The following SBNO2 variants were observed in gnomAD, a reference collection of about 807,000 sequenced individuals.
SBNO2 encodes the protein strawberry notch homolog 2, also known as protein strawberry notch homolog 2.
A neutral mutation model predicts 146.3 loss-of-function variants in SBNO2; 89 were observed. The observed-to-expected ratio is 0.61, with a 90% CI of 0.51 to 0.73. SBNO2 has a LOEUF of 0.73. SBNO2 is among the 30% of genes least tolerant of loss of function. The pLI, the probability that SBNO2 is intolerant of heterozygous loss-of-function variation, is 0.00. For missense variants in SBNO2, 2,092 were observed against 2,003.7 expected (o/e 1.04, Z -0.84); for synonymous variants, 1,147 against 892.6 (o/e 1.29, Z -5.08).
rs766712541 is a variant in SBNO2 at position 1,120,034 on chromosome 19, C to A, written c.1150-11G>T. ...CTCGTCGAACACGATCTGAGGCACA[C>A]GTGGGTTAAGGAGTATTCTGAAGGA... On this transcript the variant is annotated splice_polypyrimidine_tract_variant and intron_variant, in intron 11 of 31. Transcript: ENST00000361757. 6.5e-7 allele frequency: 1 copy of A among 1,548,434 alleles called. No individual in the cohort carries two copies. The highest frequency in any genetic ancestry group is 2.0e-5 in the Admixed American group (1 of 50,998).
chr19:1,116,135 C>G, intron 16 of SBNO2, 32 bp from the exon 17 acceptor site: 1 of 1,583,466 alleles, frequency 6.3e-7, no homozygotes, highest in Non-Finnish European at 8.6e-7. Flanking sequence ...TATTCTCACA[C>G]GAGGAGCTGA....
intron 4 of SBNO2, 47 bp downstream of exon 4, chr19:1,147,262 G>A: frequency 3.0e-6 from 4 of 1,318,860 alleles, no homozygotes; most frequent in Non-Finnish European, 4.3e-6. Flanking sequence ...GGGCGGCCCA[G>A]ACTCCACCCT....
chr19:1,111,111 T>C lies in SBNO2; in HGVS notation c.2810-18A>G, dbSNP rs1434773942. On this transcript the variant is annotated intron_variant, in intron 24 of 31. Coordinates refer to ENST00000361757, the MANE Select transcript of SBNO2 (RefSeq NM_014963.3). ...CTTCATGTCTGCGGGGAGAGGGGCC[T>C]CACATGCTGGTCTTCCCACCCCTGC... 2.3e-5 allele frequency: 35 copies of C among 1,542,006 alleles called. No homozygotes were observed. Among genetic ancestry groups the C allele is most frequent in the Middle Eastern group, 1.7e-4 (1 of 5,952 alleles).
In SBNO2 at chr19:1,123,639, C is replaced by T. The variant is rs201297694; in HGVS notation, c.523G>A (p.Glu175Lys). The T allele has an allele frequency of 3.6e-5, 58 of 1,611,074 alleles. No individual in the cohort carries two copies. The African/African-American group carries it at 6.8e-4, about 19-fold the overall frequency. Residue 175 changes from glutamate to lysine, a missense_variant and splice_region_variant, in exon 7 of 32, where the codon GAG becomes AAG. Glu to Lys is a moderately conservative substitution (Grantham distance 56). Transcript: ENST00000361757. ...TCTGGCTGGCTCTGCACACTCTGCT[C>T]CTGCGTGCGTGGCGGGAGCTCAGCG... is the stretch of plus-strand genomic sequence containing the variant. ...HSTPLLVSYQ[E>K]QSVQSQPEEE...
At chr19:1,162,956 G>T (rs533473706) in intron 1 of SBNO2, among the ~76,000 whole-genome samples, 1 of 152,122 alleles carries the variant, frequency 6.6e-6, no homozygotes, top group Non-Finnish European at 1.5e-5. Context: ...AGAGCCCCAG[G>T]GACAGCCTGT....
At chr19:1,154,791 C>T (rs1404509095) in intron 1 of SBNO2, among the ~76,000 whole-genome samples, 2 of 152,178 alleles carry the variant, frequency 1.3e-5, no homozygotes, top group African/African-American at 4.8e-5. Context: ...GAGAGTCCAA[C>T]CCGGGCCCGG....
chr19:1,164,452 A>T (rs1190471970), intron 1 of SBNO2, among the ~76,000 whole-genome samples: 1 of 92,176 alleles, frequency 1.1e-5, no homozygotes. Flanking sequence ...AGGAGGAGAA[A>T]CAGGTGCTAG....
chr19:1,141,817 C>T (rs1195351932), intron 4 of SBNO2, among the ~76,000 whole-genome samples: 4 of 152,000 alleles, frequency 2.6e-5, no homozygotes, highest in African/African-American at 7.2e-5. Context: ...CAGATAGGGT[C>T]TCACTATGTT....
chr19:1,132,155 C>A, intron 4 of SBNO2: 1 of 1,469,418 alleles, frequency 6.8e-7, no homozygotes, highest in Non-Finnish European at 9.0e-7. Flanking sequence ...CTCGGGGGGC[C>A]AGGGGTCCCC....
At position 1,157,787 on chromosome 19, in the gene SBNO2, G is replaced by C. The variant is rs1460666483; in HGVS notation, c.-126-3385C>G. Among the ~76,000 whole-genome samples the C allele has an allele frequency of 1.3e-5, 2 of 151,012 alleles. No homozygotes were observed. The highest frequency in any genetic ancestry group is 3.9e-4 in the East Asian group (2 of 5,098). Reference sequence around the variant, plus strand: ...AAGATCCGGGAGAATCCGAGGAACCGGGTAACTGTGTCCGCCTCCCAGCTC... The same window carrying C: ...AAGATCCGGGAGAATCCGAGGAACCCGGTAACTGTGTCCGCCTCCCAGCTC... On this transcript the variant is annotated intron_variant, in intron 1 of 31. Coordinates refer to ENST00000361757, the MANE Select transcript of SBNO2 (RefSeq NM_014963.3). This position sits in a 1 kb window ranked among gnomAD's most constrained non-coding sequence, Gnocchi z 6.8.
chr19:1,157,272 C>G lies in SBNO2; in HGVS notation c.-126-2870G>C, dbSNP rs1204610565. 1.3e-5 allele frequency among the ~76,000 whole-genome samples: 2 copies of G among 152,212 alleles called. No individual in the cohort carries two copies. Among genetic ancestry groups the G allele is most frequent in the Non-Finnish European group, 2.9e-5 (2 of 68,028 alleles). ...GCTGCCCCAATCCCCAGGATAAACC[C>G]TAGTGGGACACTGGGTGGGGTCTTG... On this transcript the variant is annotated intron_variant, in intron 1 of 31. Coordinates refer to ENST00000361757, the MANE Select transcript of SBNO2 (RefSeq NM_014963.3). The surrounding 1 kb of genome is among the most constrained non-coding windows in gnomAD (Gnocchi z 6.8).
At chr19:1,122,352 C>T in intron 10 of SBNO2, 70 bp from the exon 11 acceptor site, 1 of 1,514,580 alleles carries the variant, frequency 6.6e-7, no homozygotes, top group East Asian at 2.4e-5. Flanking sequence ...GTCTCCCTAT[C>T]TGTAAGGGTG....
Position 1,110,639 on chromosome 19 carries a change from G to T in SBNO2, c.3028+106C>A. 14 of 1,341,518 alleles carry T rather than the reference G, an allele frequency of 1.0e-5. No homozygotes were observed. The Middle Eastern group carries it at 6.8e-4, about 65-fold the overall frequency. The allele number at this position is 1,341,518 out of a possible 1,614,324, so 83.1% of individuals were successfully genotyped here. ...TTCCCACGAGCCCCTCGCCCACCCG[G>T]GATGCCCGGTGTTCCCACGAGCCCC... On this transcript the variant is annotated intron_variant, in intron 26 of 31. Transcript: ENST00000361757. This position sits in a 1 kb window ranked among gnomAD's most constrained non-coding sequence, Gnocchi z 4.9.
intron 4 of SBNO2, among the ~76,000 whole-genome samples, chr19:1,131,750 G>C (rs895366480): frequency 6.6e-6 from 1 of 152,202 alleles, no homozygotes; most frequent in East Asian, 1.9e-4. Context: ...GGAGGGGGAC[G>C]CAGCCCTCCC....
At chr19:1,160,060 C>G (rs1306759970) in intron 1 of SBNO2, among the ~76,000 whole-genome samples, 1 of 152,154 alleles carries the variant, frequency 6.6e-6, no homozygotes, top group Admixed American at 6.5e-5. Flanking sequence ...CATTCCCGCA[C>G]CACCCTCTCA....
chr19:1,152,508 G>A (rs2080252102), intron 2 of SBNO2, among the ~76,000 whole-genome samples: 1 of 152,154 alleles, frequency 6.6e-6, no homozygotes, highest in African/African-American at 2.4e-5. Flanking sequence ...TGGTGGCCCA[G>A]GAGGCTGACC....
intron 12 of SBNO2, 56 bp from the exon 13 acceptor site, chr19:1,119,677 CA>C: frequency 6.9e-7 from 1 of 1,439,936 alleles, no homozygotes; most frequent in East Asian, 2.4e-5. Flanking sequence ...GAGGCCGCGT[CA>C]GGGGACGACT....
chr19:1,139,620 C>T (rs548029738), intron 4 of SBNO2, among the ~76,000 whole-genome samples: 1 of 152,198 alleles, frequency 6.6e-6, no homozygotes, highest in East Asian at 1.9e-4. Flanking sequence ...CGTGGTGAAA[C>T]CCCGTCTCTA....
At position 1,122,633 on chromosome 19, in the gene SBNO2, C is replaced by G. The variant is rs563093619; in HGVS notation, c.914+25G>C. On this transcript the variant is annotated intron_variant, in intron 9 of 31. Coordinates refer to ENST00000361757, the MANE Select transcript of SBNO2 (RefSeq NM_014963.3). Reference sequence around the variant, plus strand: ...CTTCCGCCCCCCACCCCCGCTCCCGCCCCCTGCCCCAGGCAGGGCCTCACC... The same window carrying G: ...CTTCCGCCCCCCACCCCCGCTCCCGGCCCCTGCCCCAGGCAGGGCCTCACC... The G allele has an allele frequency of 3.3e-4, 502 of 1,523,184 alleles. 1 individual carries two copies. Among genetic ancestry groups the G allele is most frequent in the South Asian group, 5.0e-4 (42 of 83,584 alleles). The allele number at this position is 1,523,184 out of a possible 1,614,324, so 94.4% of individuals were successfully genotyped here. A position where few individuals can be genotyped will look rare whatever the true frequency, so the allele number is the denominator to read the frequency against.
Sources: gnomAD v4.1 joint callset for allele counts (sites outside exome capture counted in the v4.1 genomes callset) on GRCh38, gnomAD v4.1.1 for gene constraint, Gnocchi (gnomAD v3.1) non-coding constraint, MANE v1.5 for transcripts, NCBI Gene and HGNC (gene_info 2026-07-23, HGNC 2026-07-21) for gene names.